The following PSME3 variants were observed in gnomAD, a reference collection of about 807,000 sequenced individuals.
The protein encoded by PSME3 is proteasome activator subunit 3, also known as proteasome activator complex subunit 3.
PSME3 carries 7 observed loss-of-function variants against 38.3 expected under a neutral mutation model. The ratio of observed to expected loss-of-function variants is 0.18; its 90% CI spans 0.10 to 0.34. The LOEUF (loss-of-function observed/expected upper bound fraction) is 0.34, where lower values mean the gene tolerates loss of function less well. Among genes scored for constraint, PSME3 ranks in the 10% least tolerant of loss-of-function variants. The probability of loss-of-function intolerance (pLI) is 1.00; values close to 1 mark genes in which losing one functional copy is unlikely to be tolerated. For synonymous variants in PSME3, 108 were observed against 105.7 expected (o/e 1.02, Z -0.13); for missense variants, 192 against 307.6 (o/e 0.62, Z 2.81).
At chr17:42,835,560 C>G (rs974016813) in intron 4 of PSME3, among the ~76,000 whole-genome samples, 2 of 152,136 alleles carry the variant, frequency 1.3e-5, no homozygotes, top group Admixed American at 6.5e-5. Context: ...CCTGTCTCTA[C>G]TGAAAATACA....
At chr17:42,835,710 G>A (rs978583762) in intron 4 of PSME3, among the ~76,000 whole-genome samples, 2 of 150,872 alleles carry the variant, frequency 1.3e-5, no homozygotes. Flanking sequence ...GGGCGACAGA[G>A]CGAGACTCTG....
chr17:42,843,374 T>A lies in PSME3; in HGVS notation c.*1796T>A, dbSNP rs1257014360. 2.6e-5 allele frequency: 4 copies of A among 152,598 alleles called. No homozygotes were observed. Among genetic ancestry groups the A allele is most frequent in the African/African-American group, 7.2e-5 (3 of 41,422 alleles). 9.5% of individuals were successfully genotyped at this position (152,598 alleles called of 1,614,324 possible). A position where few individuals can be genotyped will look rare whatever the true frequency, so the allele number is the denominator to read the frequency against. ...GTCCTTATGCCAGTTGAGCTGAATC[T>A]TTTCCCCAGTATAGTGGAAAGACTG... On this transcript the variant is annotated 3_prime_UTR_variant, in exon 11 of 11. Coordinates refer to ENST00000590720, the MANE Select transcript of PSME3 (RefSeq NM_005789.4).
chr17:42,838,956 T>G lies in PSME3; in HGVS notation c.486T>G (p.Val162=). Residue 162 remains valine (V), a synonymous_variant, in exon 8 of 11, where the codon GTT becomes GTG. Transcript: ENST00000590720. ...TTTGTTTGTTTTAGGAGGAAACAGT[T>G]GCAGAGCTAAGAACTGTTGAGAGTG... ...NFGVSIQEET[V]AELRTVESEA... 6.2e-7 allele frequency: 1 copy of G among 1,614,168 alleles called. No individual in the cohort carries two copies. The highest frequency in any genetic ancestry group is 8.5e-7 in the Non-Finnish European group (1 of 1,180,032).
Position 42,835,396 on chromosome 17 carries a change from G to A in PSME3, c.243+520G>A, listed in dbSNP as rs145213124. On this transcript the variant is annotated intron_variant, in intron 4 of 10. Coordinates refer to ENST00000590720, the MANE Select transcript of PSME3 (RefSeq NM_005789.4). ...TACGACGTGAAGTGAATGTGCTAAT[G>A]CTACTGTCAGTGTTAGAGTGAGTTT... 1.7e-3 allele frequency among the ~76,000 whole-genome samples: 265 copies of A among 152,066 alleles called. 2 individuals are homozygous for A. Among genetic ancestry groups the A allele is most frequent in the African/African-American group, 5.9e-3 (245 of 41,514 alleles).
intron 10 of PSME3, among the ~76,000 whole-genome samples, 197 bp downstream of exon 10, chr17:42,839,577 G>T (rs1161049242): frequency 6.6e-6 from 1 of 152,176 alleles, no homozygotes; most frequent in East Asian, 1.9e-4. Flanking sequence ...GAGTGGAGGG[G>T]TGTGCAGTAC....
At chr17:42,836,158 C>T (rs1459717814) in intron 4 of PSME3, among the ~76,000 whole-genome samples, 1 of 152,024 alleles carries the variant, frequency 6.6e-6, no homozygotes, top group African/African-American at 2.4e-5. Flanking sequence ...GTGCACACCA[C>T]CACGCCCAGC....
intron 10 of PSME3, among the ~76,000 whole-genome samples, chr17:42,841,132 C>CAA (rs35142424): frequency 5.0e-4 from 32 of 63,608 alleles, no homozygotes; most frequent in African/African-American, 1.1e-3. Context: ...GACCGTGTCT[C>CAA]AAAAAAAAAA....
rs763328042 is a variant in PSME3, at chr17:42,841,578, AGGCCAG to A, written c.*15_*20del. 1.3e-6 allele frequency: 2 copies of A among 1,597,262 alleles called. No individual in the cohort carries two copies. Among genetic ancestry groups the A allele is most frequent in the Non-Finnish European group, 1.7e-6 (2 of 1,169,966 alleles). ...GCAGCAATGCAGAGACTCTGTACTG[AGGCCAG>A]GGCCAGGGCCAGGGGACTCTGTGAG... On this transcript the variant is annotated 3_prime_UTR_variant, in exon 11 of 11. Transcript: ENST00000590720.
chr17:42,841,821 AGAACTC>A lies in PSME3; in HGVS notation c.*244_*249del. On this transcript the variant is annotated 3_prime_UTR_variant, in exon 11 of 11. Coordinates refer to ENST00000590720, the MANE Select transcript of PSME3 (RefSeq NM_005789.4). The stretch of plus-strand genomic sequence containing the variant: ...ACACCCAACCTGTCGTAATTTCTGG[AGAACTC>A]CAGGTTTGTGTGTGCAGGATGTTGG... 1 of 365,812 alleles carries A rather than the reference AGAACTC, an allele frequency of 2.7e-6. No homozygotes were observed. The highest frequency in any genetic ancestry group is 4.9e-6 in the Non-Finnish European group (1 of 202,996). 22.7% of individuals were successfully genotyped at this position (365,812 alleles called of 1,614,324 possible).
intron 10 of PSME3, among the ~76,000 whole-genome samples, chr17:42,839,830 C>A (rs1431610476): frequency 6.7e-6 from 1 of 150,208 alleles, no homozygotes; most frequent in Non-Finnish European, 1.5e-5. Context: ...AAGCTCGTCT[C>A]TACTAAAAAT....
chr17:42,833,798 G>T (rs758730687), intron 1 of PSME3, 125 bp downstream of exon 1: 4 of 1,590,850 alleles, frequency 2.5e-6, no homozygotes, highest in Non-Finnish European at 3.4e-6. Flanking sequence ...GCTCGGCTCA[G>T]CCCAGCCCCC....
Position 42,841,749 on chromosome 17 carries a change from C to CT in PSME3, c.*177dup, listed in dbSNP as rs1435094989. On this transcript the variant is annotated 3_prime_UTR_variant, in exon 11 of 11. Coordinates refer to ENST00000590720, the MANE Select transcript of PSME3 (RefSeq NM_005789.4). ...ATCTAGTTCTGTGATGTGTTTACCTCTTTTTTCAGGCCTCAGGAACTCTTC... is the reference window on the plus strand; with the variant it reads ...ATCTAGTTCTGTGATGTGTTTACCTCTTTTTTTCAGGCCTCAGGAACTCTTC... 6.2e-6 allele frequency: 3 copies of CT among 480,976 alleles called. No individual in the cohort carries two copies. Among genetic ancestry groups the CT allele is most frequent in the South Asian group, 3.4e-5 (1 of 29,498 alleles). 29.8% of individuals were successfully genotyped at this position (480,976 alleles called of 1,614,324 possible).
chr17:42,841,454 A>C, intron 10 of PSME3, 44 bp from the exon 11 acceptor site: 1 of 1,288,826 alleles, frequency 7.8e-7, no homozygotes, highest in Non-Finnish European at 1.1e-6. Context: ...TGATGAGGTA[A>C]GGGTTGTACA....
intron 4 of PSME3, among the ~76,000 whole-genome samples, chr17:42,835,645 A>G (rs1194653976): frequency 6.6e-6 from 1 of 151,922 alleles, no homozygotes; most frequent in African/African-American, 2.4e-5. Flanking sequence ...GAATGGCATG[A>G]ACCCAGGAGG....
chr17:42,834,825 C>G lies in PSME3; in HGVS notation c.192C>G (p.Leu64=), dbSNP rs760325054. The G allele has an allele frequency of 3.1e-6, 5 of 1,614,096 alleles. No homozygotes were observed. Among genetic ancestry groups the G allele is most frequent in the Non-Finnish European group, 4.2e-6 (5 of 1,180,000 alleles). ...CTCAGATCCACTCTGACATGAATCTCCCAGTCCCTGACCCCATTCTTCTCA... is the reference window on the plus strand; with the variant it reads ...CTCAGATCCACTCTGACATGAATCTGCCAGTCCCTGACCCCATTCTTCTCA... ...DLTQIHSDMN[L]PVPDPILLTN... is the part of the protein sequence containing the mutation. Residue 64 remains leucine (L), a synonymous_variant, in exon 4 of 11, where the codon CTC becomes CTG. Transcript: ENST00000590720.
At chr17:42,839,490 T>G (rs1049156102) in intron 10 of PSME3, 110 bp downstream of exon 10, 1 of 841,634 alleles carries the variant, frequency 1.2e-6, no homozygotes, top group Admixed American at 2.3e-5. Context: ...GTAAAATGAA[T>G]AGACCAAATT....
At chr17:42,837,337 C>T (rs2055475206) in intron 4 of PSME3, among the ~76,000 whole-genome samples, 1 of 152,124 alleles carries the variant, frequency 6.6e-6, no homozygotes, top group Non-Finnish European at 1.5e-5. Flanking sequence ...GCATGAACCA[C>T]CGCGCCTGGC....
chr17:42,834,718 A>C, intron 3 of PSME3, 54 bp from the exon 4 acceptor site: 1 of 1,607,052 alleles, frequency 6.2e-7, no homozygotes, highest in Non-Finnish European at 8.5e-7. Context: ...TTCAAATCAA[A>C]TACTTCTTTG....
At chr17:42,834,915 A>G in intron 4 of PSME3, 39 bp downstream of exon 4, 4 of 1,611,064 alleles carry the variant, frequency 2.5e-6, no homozygotes, top group Non-Finnish European at 3.4e-6. Context: ...CTTGAGCAGT[A>G]GGTCCTCTGT....
Sources: allele counts gnomAD v4.1 joint callset (sites outside exome capture counted in the v4.1 genomes callset), GRCh38; gene constraint gnomAD v4.1.1; transcripts MANE v1.5; gene names NCBI Gene and HGNC (gene_info 2026-07-23, HGNC 2026-07-21).